Variants in CSNK1G1 observed in about 807,000 individuals in gnomAD.
CSNK1G1 encodes casein kinase 1 gamma 1, also known as casein kinase I isoform gamma-1.
Under a neutral mutation model 59.6 loss-of-function variants are expected in CSNK1G1, and 22 were observed. That is an observed-to-expected ratio of 0.37 (90% CI 0.26 to 0.53). The LOEUF (loss-of-function observed/expected upper bound fraction) is 0.53, where lower values mean the gene tolerates loss of function less well. CSNK1G1 is among the 20% of genes least tolerant of loss of function. The probability of loss-of-function intolerance (pLI) is 0.89; values close to 1 mark genes in which losing one functional copy is unlikely to be tolerated. For missense variants in CSNK1G1, 384 were observed against 519.5 expected (o/e 0.74, Z 2.54); for synonymous variants, 179 against 177.1 (o/e 1.01, Z -0.08).
intron 10 of CSNK1G1, among the ~76,000 whole-genome samples, chr15:64,195,430 G>A (rs2082026294): frequency 6.6e-6 from 1 of 152,164 alleles, no homozygotes; most frequent in South Asian, 2.1e-4. Flanking sequence ...GCGGTGTAAT[G>A]TTTATGTAGC....
chr15:64,259,457 T>C (rs910064928), intron 2 of CSNK1G1, among the ~76,000 whole-genome samples: 6 of 150,038 alleles, frequency 4.0e-5, no homozygotes, highest in African/African-American at 1.5e-4. Flanking sequence ...CTGAGAATTT[T>C]CCTAAAAGAG....
At chr15:64,223,779 T>C (rs2082421448) in intron 4 of CSNK1G1, among the ~76,000 whole-genome samples, 1 of 152,208 alleles carries the variant, frequency 6.6e-6, no homozygotes, top group African/African-American at 2.4e-5. Context: ...ATCAATAACA[T>C]GATGTTATAA....
intron 4 of CSNK1G1, among the ~76,000 whole-genome samples, chr15:64,238,691 A>C (rs1419995450): frequency 6.6e-6 from 1 of 151,572 alleles, no homozygotes; most frequent in African/African-American, 2.4e-5. Flanking sequence ...GGGCTCCTGA[A>C]TTACAGCTAT....
chr15:64,316,171 C>G (rs931783157), intron 1 of CSNK1G1, among the ~76,000 whole-genome samples: 2 of 151,672 alleles, frequency 1.3e-5, no homozygotes, highest in Non-Finnish European at 2.9e-5. Flanking sequence ...GGATTAAAAA[C>G]ATAAGCCACT....
intron 1 of CSNK1G1, among the ~76,000 whole-genome samples, chr15:64,344,634 C>A (rs868080437): frequency 6.6e-6 from 1 of 152,088 alleles, no homozygotes; most frequent in East Asian, 1.9e-4. Context: ...TCCACTTAAA[C>A]CTCCTGGAAA....
Position 64,171,835 on chromosome 15 carries a change from C to T in CSNK1G1, c.*96G>A. The T allele has an allele frequency of 2.8e-6, 3 of 1,089,594 alleles. No homozygotes were observed. The highest frequency in any genetic ancestry group is 4.2e-6 in the Non-Finnish European group (3 of 706,422). The allele number at this position is 1,089,594 out of a possible 1,614,324, so 67.5% of individuals were successfully genotyped here. A position where few individuals can be genotyped will look rare whatever the true frequency, so the allele number is the denominator to read the frequency against. Reference sequence around the variant, plus strand: ...CTTTTTGGTTTGGATATCCACCCTCCCCCAAAGAGGAGTCCCTTCCAATGA... The same window carrying T: ...CTTTTTGGTTTGGATATCCACCCTCTCCCAAAGAGGAGTCCCTTCCAATGA... On this transcript the variant is annotated 3_prime_UTR_variant, in exon 12 of 12. Coordinates refer to ENST00000303052, the MANE Select transcript of CSNK1G1 (RefSeq NM_022048.5). This position sits in a 1 kb window ranked among gnomAD's most constrained non-coding sequence, Gnocchi z 4.8.
At chr15:64,244,656 G>A (rs1891657539) in intron 4 of CSNK1G1, among the ~76,000 whole-genome samples, 1 of 152,142 alleles carries the variant, frequency 6.6e-6, no homozygotes, top group African/African-American at 2.4e-5. Context: ...GCTGAGGCAG[G>A]TGGATCACTG....
intron 2 of CSNK1G1, among the ~76,000 whole-genome samples, chr15:64,288,796 G>A (rs562474559): frequency 6.6e-6 from 1 of 152,200 alleles, no homozygotes; most frequent in African/African-American, 2.4e-5. Flanking sequence ...ATGACATCAT[G>A]TAAATACTGC....
intron 6 of CSNK1G1, among the ~76,000 whole-genome samples, chr15:64,209,352 A>G (rs1185725462): frequency 1.3e-5 from 2 of 152,232 alleles, no homozygotes; most frequent in Non-Finnish European, 2.9e-5. Flanking sequence ...AGCTAACTCA[A>G]AATACAGAAG....
At chr15:64,253,968 C>T (rs900331891) in intron 3 of CSNK1G1, among the ~76,000 whole-genome samples, 5 of 151,990 alleles carry the variant, frequency 3.3e-5, no homozygotes, top group Non-Finnish European at 7.4e-5. Flanking sequence ...GGTGAAACCC[C>T]GTCTCTACTA....
At chr15:64,193,722 G>C (rs1279426164) in intron 10 of CSNK1G1, among the ~76,000 whole-genome samples, 1 of 152,142 alleles carries the variant, frequency 6.6e-6, no homozygotes, top group East Asian at 1.9e-4. Context: ...AGAGACGAGA[G>C]TATCAATTCT....
At chr15:64,281,353 C>G (rs1330631606) in intron 2 of CSNK1G1, among the ~76,000 whole-genome samples, 3 of 152,044 alleles carry the variant, frequency 2.0e-5, no homozygotes, top group Admixed American at 2.0e-4. Context: ...ACCTGGAATC[C>G]CAAAACTTTG....
chr15:64,307,037 T>A (rs1596253469), intron 1 of CSNK1G1, among the ~76,000 whole-genome samples: 1 of 152,192 alleles, frequency 6.6e-6, no homozygotes, highest in East Asian at 1.9e-4. Flanking sequence ...GGAAAACTAT[T>A]CTGTATGATA....
intron 11 of CSNK1G1, among the ~76,000 whole-genome samples, chr15:64,174,403 A>G (rs144964291): frequency 7.7e-4 from 117 of 152,352 alleles, no homozygotes; most frequent in African/African-American, 2.6e-3. Flanking sequence ...TAATGATTCT[A>G]CCTACAAGAA....
intron 2 of CSNK1G1, among the ~76,000 whole-genome samples, chr15:64,267,727 T>C (rs1484202800): frequency 6.6e-6 from 1 of 152,212 alleles, no homozygotes; most frequent in African/African-American, 2.4e-5. Context: ...ACAGCCATTA[T>C]GGAAAACAAT....
At chr15:64,272,943 A>T (rs932850402) in intron 2 of CSNK1G1, among the ~76,000 whole-genome samples, 3 of 152,066 alleles carry the variant, frequency 2.0e-5, no homozygotes, top group Admixed American at 6.6e-5. Context: ...TGCTCAAGAG[A>T]TCCACCCACC....
intron 1 of CSNK1G1, among the ~76,000 whole-genome samples, chr15:64,316,081 C>T (rs960103014): frequency 6.6e-6 from 1 of 152,148 alleles, no homozygotes; most frequent in African/African-American, 2.4e-5. Flanking sequence ...CGCCGGAGTG[C>T]AGTAGCATGG....
At chr15:64,341,428 G>A (rs1897675590) in intron 1 of CSNK1G1, among the ~76,000 whole-genome samples, 1 of 151,886 alleles carries the variant, frequency 6.6e-6, no homozygotes, top group South Asian at 2.1e-4. Context: ...GTGAGCCACA[G>A]TGCCCGGCCT....
At chr15:64,191,995 T>C (rs1382971102) in intron 10 of CSNK1G1, among the ~76,000 whole-genome samples, 1 of 152,180 alleles carries the variant, frequency 6.6e-6, no homozygotes, top group Non-Finnish European at 1.5e-5. Flanking sequence ...AGGAAATAGA[T>C]GAAACCAAAG....
Sources: allele counts gnomAD v4.1 joint callset (sites outside exome capture counted in the v4.1 genomes callset), GRCh38; gene constraint gnomAD v4.1.1; non-coding constraint Gnocchi (gnomAD v3.1); transcripts MANE v1.5; gene names NCBI Gene and HGNC (gene_info 2026-07-23, HGNC 2026-07-21).